The following C11orf65 variants were observed in gnomAD, a reference collection of about 807,000 sequenced individuals.
The protein encoded by C11orf65 is protein MFI.
C11orf65 carries 38 observed loss-of-function variants against 35.3 expected under a neutral mutation model. The observed-to-expected ratio is 1.08, with a 90% CI of 0.83 to 1.41. C11orf65 has a LOEUF of 1.41. C11orf65 is among the 40% of genes most tolerant of loss of function. The pLI, the probability that C11orf65 is intolerant of heterozygous loss-of-function variation, is 0.00. For missense variants in C11orf65, 370 were observed against 367.1 expected, an observed-to-expected ratio of 1.01 and a Z score of -0.06; for synonymous variants, 105 against 114.4, an observed-to-expected ratio of 0.92 and a Z score of 0.53.
intron 6 of C11orf65, among the ~76,000 whole-genome samples, chr11:108,319,661 G>C (rs1032698703): frequency 6.6e-6 from 1 of 152,148 alleles, no homozygotes. Flanking sequence ...TTGTCCACTT[G>C]TGAATTCCCC....
chr11:108,374,850 C>A (rs2091678251), intron 2 of C11orf65, among the ~76,000 whole-genome samples: 1 of 152,148 alleles, frequency 6.6e-6, no homozygotes, highest in Admixed American at 6.5e-5. Flanking sequence ...GCAGAAGCCT[C>A]AGGAGCTGAT....
intron 6 of C11orf65, among the ~76,000 whole-genome samples, chr11:108,309,664 G>T (rs980517647): frequency 1.3e-5 from 2 of 152,190 alleles, no homozygotes; most frequent in African/African-American, 4.8e-5. Context: ...TAACACAGTG[G>T]AAGATTTTTA....
chr11:108,315,296 G>C (rs1436263209), intron 6 of C11orf65, among the ~76,000 whole-genome samples: 1 of 152,192 alleles, frequency 6.6e-6, no homozygotes, highest in Non-Finnish European at 1.5e-5. Flanking sequence ...ATGCAATTAT[G>C]ATTTAATACT....
chr11:108,332,734 T>C (rs2136557817), intron 3 of C11orf65: 1 of 1,605,366 alleles, frequency 6.2e-7, no homozygotes, highest in African/African-American at 1.3e-5. Context: ...TAGTTCCTTA[T>C]GTAATGTTTT....
chr11:108,402,966 C>T (rs553893100), intron 6 of C11orf65, among the ~76,000 whole-genome samples: 5 of 151,864 alleles, frequency 3.3e-5, no homozygotes, highest in African/African-American at 1.2e-4. Context: ...CTACCACTTG[C>T]TTATCCATTC....
chr11:108,439,853 G>A, intron 2 of C11orf65, among the ~76,000 whole-genome samples: 1 of 152,032 alleles, frequency 6.6e-6, no homozygotes, highest in East Asian at 1.9e-4. Context: ...GTTTTGTTTG[G>A]GATGATGAAA....
chr11:108,460,656 C>G (rs1327917914), intron 2 of C11orf65, among the ~76,000 whole-genome samples: 1 of 152,154 alleles, frequency 6.6e-6, no homozygotes, highest in African/African-American at 2.4e-5. Context: ...TGGCCCAGAT[C>G]AGGAACTCAA....
chr11:108,376,100 A>G (rs2091716735), intron 2 of C11orf65, among the ~76,000 whole-genome samples: 1 of 152,162 alleles, frequency 6.6e-6, no homozygotes, highest in Non-Finnish European at 1.5e-5. Context: ...CAACAAGGAT[A>G]CCCAGGAATT....
chr11:108,397,762 C>G (rs1009022986), intron 6 of C11orf65, among the ~76,000 whole-genome samples: 3 of 151,554 alleles, frequency 2.0e-5, no homozygotes, highest in Non-Finnish European at 4.4e-5. Flanking sequence ...ATGTAACACC[C>G]AGTCATAAGA....
At chr11:108,461,687 G>A (rs2093475644) in intron 1 of C11orf65, 119 bp from the exon 2 acceptor site, 2 of 634,284 alleles carry the variant, frequency 3.2e-6, no homozygotes, top group South Asian at 4.5e-5. Context: ...GAGTGCAGTG[G>A]TGCGATGATA....
chr11:108,384,034 T>A (rs2091929579), intron 8 of C11orf65, among the ~76,000 whole-genome samples: 2 of 152,122 alleles, frequency 1.3e-5, no homozygotes, highest in African/African-American at 4.8e-5. Context: ...TGCTGACATT[T>A]TATTTTTTGT....
rs973801395 is a variant in C11orf65 at position 108,325,251 on chromosome 11, T to G, written c.641-16180A>C. The G allele has an allele frequency of 4.7e-5, 9 of 190,332 alleles. No individual in the cohort carries two copies. The African/African-American group carries it at 6.5e-4, about 14-fold the overall frequency. The allele number at this position is 190,332 out of a possible 1,614,324, so 11.8% of individuals were successfully genotyped here. On this transcript the variant is annotated intron_variant, in intron 6 of 6. Coordinates refer to the C11orf65 transcript ENST00000525729. ...TCGTAAGTTCCAGAACTTACATAGT[T>G]TTTTTTTTTTTTTTTTTCATTTCTC... is the stretch of plus-strand genomic sequence containing the variant.
downstream of C11orf65, among the ~76,000 whole-genome samples, chr11:108,326,933 C>G (rs896296298): frequency 6.6e-6 from 1 of 152,206 alleles, no homozygotes; most frequent in Admixed American, 6.5e-5. Flanking sequence ...TCAAGCAATT[C>G]CCCTGCCTCA....
At position 108,412,144 on chromosome 11, in the gene C11orf65, G is replaced by A. The variant is rs190745294; in HGVS notation, c.175-4995C>T. Reference sequence around the variant, plus strand: ...TGTCTTATTGTTTTATATTCTTATTGTTTAAAGTATGCCTCAAAAATAATA... The same window carrying A: ...TGTCTTATTGTTTTATATTCTTATTATTTAAAGTATGCCTCAAAAATAATA... On this transcript the variant is annotated intron_variant, in intron 3 of 8. Coordinates refer to ENST00000393084, the MANE Select transcript of C11orf65 (RefSeq NM_152587.5). 4.7e-4 allele frequency among the ~76,000 whole-genome samples: 71 copies of A among 152,056 alleles called. 1 individual carries two copies. The highest frequency in any genetic ancestry group is 1.5e-3 in the African/African-American group (61 of 41,478).
intron 6 of C11orf65, among the ~76,000 whole-genome samples, chr11:108,309,878 C>T (rs941677915): frequency 3.4e-4 from 51 of 151,980 alleles, no homozygotes; most frequent in African/African-American, 1.2e-3. Flanking sequence ...TGGTAGAGAG[C>T]AGATATGAAC....
At chr11:108,326,091 T>A (rs1291249685) in intron 6 of C11orf65, 1 of 1,614,148 alleles carries the variant, frequency 6.2e-7, no homozygotes, top group Non-Finnish European at 8.5e-7. Flanking sequence ...AATTAAACAG[T>A]ACAATTCAGT....
At chr11:108,308,906 A>T in exon 7 of C11orf65, 1 of 925,294 alleles carries the variant, frequency 1.1e-6, no homozygotes, top group Non-Finnish European at 1.7e-6. Flanking sequence ...GCTTTAATGT[A>T]GTGGAGAGCA....
At chr11:108,451,904 G>A (rs1157926179) in intron 2 of C11orf65, among the ~76,000 whole-genome samples, 1 of 152,170 alleles carries the variant, frequency 6.6e-6, no homozygotes, top group Admixed American at 6.6e-5. Context: ...AAGCAATGGG[G>A]AAAGGATTCC....
chr11:108,424,590 T>A lies in C11orf65; in HGVS notation c.174+7156A>T, dbSNP rs143594371. ...AGACTTTAACACCCCCCTGTCAACA[T>A]TAGACAGATCAACGAGACAGAAAAT... On this transcript the variant is annotated intron_variant, in intron 3 of 8. Coordinates refer to ENST00000393084, the MANE Select transcript of C11orf65 (RefSeq NM_152587.5). Among the ~76,000 whole-genome samples, 264 of 152,272 alleles carry A rather than the reference T, an allele frequency of 1.7e-3. 1 individual carries two copies. Among genetic ancestry groups the A allele is most frequent in the African/African-American group, 6.2e-3 (256 of 41,538 alleles).
Sources: gnomAD v4.1 joint callset for allele counts (sites outside exome capture counted in the v4.1 genomes callset) on GRCh38, gnomAD v4.1.1 for gene constraint, MANE v1.5 for transcripts, NCBI Gene and HGNC (gene_info 2026-07-23, HGNC 2026-07-21) for gene names.